Variants in CCDC92B observed in about 807,000 individuals in gnomAD.
CCDC92B encodes coiled-coil domain containing 92B.
Under a neutral mutation model 5.6 loss-of-function variants are expected in CCDC92B, and 2 were observed. The ratio of observed to expected loss-of-function variants is 0.36; its 90% CI spans 0.15 to 1.12. CCDC92B has a LOEUF of 1.12. CCDC92B is among the 50% of genes most tolerant of loss of function. CCDC92B has a pLI of 0.40. For synonymous variants in CCDC92B, 115 were observed against 122.3 expected (o/e 0.94, Z 0.39); for missense variants, 271 against 262.2 (o/e 1.03, Z -0.23).
Position 2,725,007 on chromosome 17 carries a change from C to A in CCDC92B, c.179-7G>T. 10 of 985,404 alleles carry A rather than the reference C, an allele frequency of 1.0e-5. No individual in the cohort carries two copies. Among genetic ancestry groups the A allele is most frequent in the Non-Finnish European group, 1.2e-5 (10 of 829,964 alleles). 61.0% of individuals were successfully genotyped at this position (985,404 alleles called of 1,614,324 possible). On this transcript the variant is annotated splice_region_variant and splice_polypyrimidine_tract_variant and intron_variant, in intron 3 of 3. Coordinates refer to ENST00000614400, the MANE Select transcript of CCDC92B (RefSeq NM_001355573.2). Reference sequence around the variant, plus strand: ...AGCTCCCGGGACGCCGCCTCTGGAACGGGGCAGAGGCCAGAGGTGACGGTC... The same window carrying A: ...AGCTCCCGGGACGCCGCCTCTGGAAAGGGGCAGAGGCCAGAGGTGACGGTC...
intron 1 of CCDC92B, among the ~76,000 whole-genome samples, chr17:2,745,612 A>G (rs2070976517): frequency 6.6e-6 from 1 of 152,182 alleles, no homozygotes; most frequent in African/African-American, 2.4e-5. Flanking sequence ...AACTAGTGAC[A>G]ACAAAAATCT....
rs1373341561 is a variant in CCDC92B, at chr17:2,724,968, G to C, written c.211C>G (p.Arg71Gly). The change falls in exon 4 of 4, where the codon CGC (arginine) becomes GGC (glycine). Residue 71 changes from arginine (R) to glycine (G), a missense_variant. Coordinates refer to ENST00000614400, the MANE Select transcript of CCDC92B (RefSeq NM_001355573.2). This position sits in a 1 kb window ranked among gnomAD's most constrained non-coding sequence, Gnocchi z 5.0. ...AASRELESKC[R>G]ALESQLEARA... is the part of the protein sequence containing the mutation. Reference sequence around the variant, plus strand: ...GCCTCCAGCTGCGACTCCAGCGCGCGGCACTTGCTCTCCAGCTCCCGGGAC... The same window carrying C: ...GCCTCCAGCTGCGACTCCAGCGCGCCGCACTTGCTCTCCAGCTCCCGGGAC... 6 of 985,380 alleles carry C rather than the reference G, an allele frequency of 6.1e-6. No individual in the cohort carries two copies. Among genetic ancestry groups the C allele is most frequent in the African/African-American group, 5.2e-5 (3 of 57,232 alleles). 61.0% of individuals were successfully genotyped at this position (985,380 alleles called of 1,614,324 possible).
intron 2 of CCDC92B, among the ~76,000 whole-genome samples, chr17:2,734,304 GCTC>G (rs1163456782): frequency 6.6e-6 from 1 of 152,030 alleles, no homozygotes; most frequent in Non-Finnish European, 1.5e-5. Flanking sequence ...TTCAGCACCT[GCTC>G]CTCAAGCTGG....
At chr17:2,743,993 G>A (rs1169868381) in intron 1 of CCDC92B, among the ~76,000 whole-genome samples, 2 of 151,796 alleles carry the variant, frequency 1.3e-5, no homozygotes, top group East Asian at 1.9e-4. Flanking sequence ...ATCTCCTGCC[G>A]CAGCCTCCCG....
intron 2 of CCDC92B, among the ~76,000 whole-genome samples, chr17:2,732,992 G>A (rs890981705): frequency 6.5e-4 from 98 of 150,784 alleles, no homozygotes; most frequent in African/African-American, 2.2e-3. Flanking sequence ...CAGCCTGGGC[G>A]ACAGAGCAAG....
At chr17:2,734,964 G>A in intron 2 of CCDC92B, 52 bp downstream of exon 2, 8 of 957,290 alleles carry the variant, frequency 8.4e-6, no homozygotes, top group Non-Finnish European at 9.9e-6. Context: ...CAGTGGTTGT[G>A]ATGATGACAG....
chr17:2,728,498 C>A (rs780115610), intron 3 of CCDC92B, among the ~76,000 whole-genome samples: 2 of 151,086 alleles, frequency 1.3e-5, no homozygotes, highest in South Asian at 4.2e-4. Flanking sequence ...CCCAGCTACA[C>A]GGGAGACTGA....
intron 1 of CCDC92B, among the ~76,000 whole-genome samples, chr17:2,740,546 C>G (rs1320999341): frequency 6.6e-6 from 1 of 151,748 alleles, no homozygotes; most frequent in African/African-American, 2.4e-5. Flanking sequence ...GCCTGTAATC[C>G]CAGCTACTCA....
At chr17:2,744,020 G>A (rs1181254377) in intron 1 of CCDC92B, among the ~76,000 whole-genome samples, 5 of 152,056 alleles carry the variant, frequency 3.3e-5, no homozygotes, top group African/African-American at 7.2e-5. Context: ...TGGGATTGCA[G>A]GTGTGCACCA....
intron 3 of CCDC92B, among the ~76,000 whole-genome samples, chr17:2,726,223 G>A (rs2070728223): frequency 1.3e-5 from 2 of 150,558 alleles, no homozygotes; most frequent in Admixed American, 6.6e-5. Context: ...TCTCGCCCAG[G>A]TTGGAGTGCA....
At chr17:2,738,998 G>T (rs1015245296) in intron 1 of CCDC92B, among the ~76,000 whole-genome samples, 1 of 151,542 alleles carries the variant, frequency 6.6e-6, no homozygotes, top group South Asian at 2.1e-4. Context: ...TTGAACCCAG[G>T]GGGCAGAAGT....
chr17:2,727,554 A>C (rs148397565), intron 3 of CCDC92B, among the ~76,000 whole-genome samples: 4 of 152,174 alleles, frequency 2.6e-5, no homozygotes, highest in Non-Finnish European at 2.9e-5. Context: ...GGCTGGGTGC[A>C]GTGGCTCACG....
rs1478247619 is a variant in CCDC92B at position 2,723,009 on chromosome 17, G to C, written c.*1402C>G. On this transcript the variant is annotated 3_prime_UTR_variant, in exon 4 of 4. Coordinates refer to ENST00000614400, the MANE Select transcript of CCDC92B (RefSeq NM_001355573.2). Reference sequence around the variant, plus strand: ...GGTGGGGCTTTCCCCTTTCCACGTCGCCATTCCCCAGGCTAGACAGCAGGG... The same window carrying C: ...GGTGGGGCTTTCCCCTTTCCACGTCCCCATTCCCCAGGCTAGACAGCAGGG... 2.0e-5 allele frequency: 3 copies of C among 152,404 alleles called. No individual in the cohort carries two copies. The highest frequency in any genetic ancestry group is 7.2e-5 in the African/African-American group (3 of 41,434). 9.4% of individuals were successfully genotyped at this position (152,404 alleles called of 1,614,324 possible).
chr17:2,728,584 CAG>C (rs1490626874), intron 3 of CCDC92B, among the ~76,000 whole-genome samples: 1 of 146,616 alleles, frequency 6.8e-6, no homozygotes, highest in Non-Finnish European at 1.5e-5. Context: ...GCCTGGGCGA[CAG>C]AGCGAGACTC....
rs530827294 is a variant in CCDC92B, at chr17:2,743,843, TACC to T, written c.-24+5565_-24+5567del. On this transcript the variant is annotated intron_variant, in intron 1 of 3. Coordinates refer to ENST00000614400, the MANE Select transcript of CCDC92B (RefSeq NM_001355573.2). ...ATTATTTTTTCTTCCGTGAATGTATTACCACATGAATATATTAACTTTTTATTT... is the reference window on the plus strand; with the variant it reads ...ATTATTTTTTCTTCCGTGAATGTATTACATGAATATATTAACTTTTTATTT... 1.5e-3 allele frequency among the ~76,000 whole-genome samples: 236 copies of T among 152,312 alleles called. 1 individual carries two copies. Among genetic ancestry groups the T allele is most frequent in the Non-Finnish European group, 2.8e-3 (188 of 68,034 alleles).
chr17:2,727,788 C>T (rs2070749170), intron 3 of CCDC92B, among the ~76,000 whole-genome samples: 1 of 149,846 alleles, frequency 6.7e-6, no homozygotes, highest in Non-Finnish European at 1.5e-5. Context: ...CGCGCCACTG[C>T]ACTCCAGCCT....
At position 2,724,977 on chromosome 17, in the gene CCDC92B, T is replaced by C; in HGVS notation, c.202A>G (p.Ser68Gly). 4.1e-6 allele frequency: 4 copies of C among 985,340 alleles called. No individual in the cohort carries two copies. The highest frequency in any genetic ancestry group is 4.8e-6 in the Non-Finnish European group (4 of 829,970). The allele number at this position is 985,340 out of a possible 1,614,324, so 61.0% of individuals were successfully genotyped here. ...TGCGACTCCAGCGCGCGGCACTTGC[T>C]CTCCAGCTCCCGGGACGCCGCCTCT... ...QQEAASRELE[S>G]KCRALESQLE... Residue 68 changes from serine to glycine, a missense_variant, in exon 4 of 4, where the codon AGC becomes GGC. Transcript: ENST00000614400. This position sits in a 1 kb window ranked among gnomAD's most constrained non-coding sequence, Gnocchi z 5.0.
At chr17:2,731,640 A>C (rs1328795874) in intron 2 of CCDC92B, among the ~76,000 whole-genome samples, 1 of 152,096 alleles carries the variant, frequency 6.6e-6, no homozygotes, top group African/African-American at 2.4e-5. Context: ...TTCTCTGAGG[A>C]GGCCGGTTGT....
At chr17:2,734,994 C>T in intron 2 of CCDC92B, 22 bp downstream of exon 2, 1 of 985,536 alleles carries the variant, frequency 1.0e-6, no homozygotes, top group Non-Finnish European at 1.2e-6. Context: ...CCCACCCGTC[C>T]AGCCGCCTCT....
Sources: allele counts gnomAD v4.1 joint callset (sites outside exome capture counted in the v4.1 genomes callset), GRCh38; gene constraint gnomAD v4.1.1; non-coding constraint Gnocchi (gnomAD v3.1); transcripts MANE v1.5; gene names NCBI Gene and HGNC (gene_info 2026-07-23, HGNC 2026-07-21).